The following STAM variants were observed in gnomAD, a reference collection of about 807,000 sequenced individuals.
STAM encodes signal transducing adapter molecule 1.
A neutral mutation model predicts 63.4 loss-of-function variants in STAM; 16 were observed. The observed-to-expected ratio is 0.25, with a 90% CI of 0.17 to 0.38. STAM has a LOEUF of 0.38. Among genes scored for constraint, STAM ranks in the 10% least tolerant of loss-of-function variants. STAM has a pLI of 1.00. For synonymous variants in STAM, 238 were observed against 223.9 expected, an observed-to-expected ratio of 1.06 and a Z score of -0.56; for missense variants, 636 against 657.1, an observed-to-expected ratio of 0.97 and a Z score of 0.35.
intron 2 of STAM, 56 bp from the exon 3 acceptor site, chr10:17,684,619 G>T: frequency 1.4e-6 from 2 of 1,424,732 alleles, no homozygotes; most frequent in Non-Finnish European, 2.0e-6. Flanking sequence ...ACAGTTAAGG[G>T]GCAGGGGGAA....
intron 13 of STAM, among the ~76,000 whole-genome samples, chr10:17,713,198 C>G (rs1836637183): frequency 6.6e-6 from 1 of 152,198 alleles, no homozygotes; most frequent in Admixed American, 6.5e-5. Context: ...TCATTTGCCT[C>G]TTGCCTCTTT....
intron 1 of STAM, among the ~76,000 whole-genome samples, chr10:17,658,172 C>A (rs1396673182): frequency 6.6e-6 from 1 of 151,522 alleles, no homozygotes; most frequent in African/African-American, 2.4e-5. Context: ...TCACTTAGTT[C>A]AAAGTATTTT....
chr10:17,662,558 T>TG (rs1834214751), intron 2 of STAM, among the ~76,000 whole-genome samples: 1 of 152,232 alleles, frequency 6.6e-6, no homozygotes, highest in Non-Finnish European at 1.5e-5. Context: ...GTAGAATGAA[T>TG]GGTCCATGAA....
intron 2 of STAM, among the ~76,000 whole-genome samples, chr10:17,669,417 A>G (rs1435664171): frequency 2.0e-5 from 3 of 151,390 alleles, no homozygotes; most frequent in South Asian, 2.1e-4. Context: ...CTCTCATTAA[A>G]TAAACTTTCA....
chr10:17,680,982 T>A (rs563015376), intron 2 of STAM, among the ~76,000 whole-genome samples: 164 of 152,332 alleles, frequency 1.1e-3, no homozygotes, highest in African/African-American at 3.6e-3. Context: ...TTGGGGTATA[T>A]ACCTGGAAGT....
intron 9 of STAM, among the ~76,000 whole-genome samples, chr10:17,703,008 C>CA (rs71507229): frequency 0.14 from 9,424 of 67,764 alleles, 885 homozygotes; most frequent in Middle Eastern, 0.16. Context: ...GACTCCATCT[C>CA]AAAAAAAAAA....
Position 17,714,873 on chromosome 10 carries a change from CT to C in STAM, c.*95del. The stretch of plus-strand genomic sequence containing the variant: ...TATCTTAAGATGTGTTTATCCTCAG[CT>C]TATAGGAATCTCTCCAGGTCAACAG... On this transcript the variant is annotated 3_prime_UTR_variant, in exon 14 of 14. Transcript: ENST00000377524. 1 of 1,213,776 alleles carries C rather than the reference CT, an allele frequency of 8.2e-7. No homozygotes were observed. Among genetic ancestry groups the C allele is most frequent in the Non-Finnish European group, 1.2e-6 (1 of 828,508 alleles). 75.2% of individuals were successfully genotyped at this position (1,213,776 alleles called of 1,614,324 possible). A position where few individuals can be genotyped will look rare whatever the true frequency, so the allele number is the denominator to read the frequency against.
At chr10:17,697,149 G>A (rs1011186006) in intron 8 of STAM, among the ~76,000 whole-genome samples, 5 of 152,140 alleles carry the variant, frequency 3.3e-5, no homozygotes, top group Non-Finnish European at 7.4e-5. Flanking sequence ...GGCTGGTCTT[G>A]AACTCCTGAC....
intron 1 of STAM, among the ~76,000 whole-genome samples, chr10:17,655,653 T>C (rs2131572097): frequency 6.6e-6 from 1 of 152,312 alleles, no homozygotes; most frequent in African/African-American, 2.4e-5. Context: ...GTGTACTCTG[T>C]TGATCTAGGC....
Position 17,695,158 on chromosome 10 carries a change from T to A in STAM, c.645T>A (p.Val215=), listed in dbSNP as rs1369034877. The change falls in exon 7 of 14, where the codon GTT becomes GTA. Residue 215 remains valine (V), a synonymous_variant. Transcript: ENST00000377524. Reference sequence around the variant, plus strand: ...ACCACCAACATGAAGGCCGAAAAGTTCGTGCTATATATGACTTTGAAGCTG... The same window carrying A: ...ACCACCAACATGAAGGCCGAAAAGTACGTGCTATATATGACTTTGAAGCTG... ...LTNHQHEGRK[V]RAIYDFEAAE... The A allele has an allele frequency of 6.2e-6, 10 of 1,613,980 alleles. No homozygotes were observed. Among genetic ancestry groups the A allele is most frequent in the Non-Finnish European group, 8.5e-6 (10 of 1,179,990 alleles).
intron 13 of STAM, among the ~76,000 whole-genome samples, chr10:17,711,691 C>T (rs1161877989): frequency 6.6e-6 from 1 of 152,084 alleles, no homozygotes. Flanking sequence ...GTGTGAAAGG[C>T]GTGGTATGTA....
At chr10:17,698,125 G>A (rs531644078) in intron 8 of STAM, among the ~76,000 whole-genome samples, 3 of 152,128 alleles carry the variant, frequency 2.0e-5, no homozygotes, top group Non-Finnish European at 2.9e-5. Flanking sequence ...TAAGAAAATG[G>A]TGCGCTCTCA....
chr10:17,708,679 T>G, intron 12 of STAM, 97 bp from the exon 13 acceptor site: 1 of 1,265,436 alleles, frequency 7.9e-7, no homozygotes, highest in Non-Finnish European at 1.1e-6. Flanking sequence ...AGAGTGGTGA[T>G]TTTTCTTGTT....
Position 17,714,969 on chromosome 10 carries a change from C to A in STAM, c.*189C>A. On this transcript the variant is annotated 3_prime_UTR_variant, in exon 14 of 14. Transcript: ENST00000377524. ...CTTTTTAGAGGTTCTTCCCCCCCCG[C>A]CCCTGCAGAGGAATGAAACTACTTA... The A allele has an allele frequency of 1.7e-6, 1 of 595,082 alleles. No individual in the cohort carries two copies. Among genetic ancestry groups the A allele is most frequent in the Non-Finnish European group, 3.0e-6 (1 of 336,930 alleles). 36.9% of individuals were successfully genotyped at this position (595,082 alleles called of 1,614,324 possible). A position where few individuals can be genotyped will look rare whatever the true frequency, so the allele number is the denominator to read the frequency against.
intron 5 of STAM, among the ~76,000 whole-genome samples, chr10:17,692,947 T>G (rs1480924495): frequency 6.6e-6 from 1 of 152,224 alleles, no homozygotes; most frequent in Non-Finnish European, 1.5e-5. Flanking sequence ...CTGTCTTCTC[T>G]GACTTGTGTA....
chr10:17,709,137 C>T (rs1364975035), intron 13 of STAM, among the ~76,000 whole-genome samples, 186 bp downstream of exon 13: 7 of 152,196 alleles, frequency 4.6e-5, no homozygotes, highest in Admixed American at 6.5e-5. Context: ...AGCTGGTCCT[C>T]TGCTCCCGAC....
chr10:17,693,796 G>C (rs1353064420), intron 6 of STAM, among the ~76,000 whole-genome samples: 1 of 151,842 alleles, frequency 6.6e-6, no homozygotes, highest in Non-Finnish European at 1.5e-5. Flanking sequence ...CATATTCTCT[G>C]TGCACATATA....
intron 8 of STAM, among the ~76,000 whole-genome samples, chr10:17,697,810 G>T (rs1835826855): frequency 6.6e-6 from 1 of 151,956 alleles, no homozygotes; most frequent in Admixed American, 6.6e-5. Flanking sequence ...ATATGTATAG[G>T]TTGATATGCT....
intron 1 of STAM, among the ~76,000 whole-genome samples, chr10:17,649,395 A>G (rs1321063160): frequency 3.5e-5 from 1 of 28,608 alleles, no homozygotes; most frequent in African/African-American, 2.5e-4. Context: ...CCTGTCTTTA[A>G]AAAAAAAAAA....
Sources: gnomAD v4.1 joint callset for allele counts (sites outside exome capture counted in the v4.1 genomes callset) on GRCh38, gnomAD v4.1.1 for gene constraint, MANE v1.5 for transcripts, NCBI Gene and HGNC (gene_info 2026-07-23, HGNC 2026-07-21) for gene names.